ANKS1B: variants seen among roughly 807,000 people sequenced by gnomAD.
ANKS1B encodes ankyrin repeat and sterile alpha motif domain containing 1B, also known as ankyrin repeat and sterile alpha motif domain-containing protein 1B.
ANKS1B carries 36 observed loss-of-function variants against 148.3 expected under a neutral mutation model. The ratio of observed to expected loss-of-function variants is 0.24; its 90% confidence interval spans 0.19 to 0.32. ANKS1B has a LOEUF of 0.32. Ranked by LOEUF, ANKS1B falls within the 10% of genes least tolerant of loss-of-function variation. The probability of loss-of-function intolerance (pLI) is 1.00; values close to 1 mark genes in which losing one functional copy is unlikely to be tolerated. For missense variants in ANKS1B, 1,157 were observed against 1,542.6 expected (o/e 0.75, Z 4.19); for synonymous variants, 542 against 560.8 (o/e 0.97, Z 0.47).
intron 11 of ANKS1B, among the ~76,000 whole-genome samples, chr12:99,420,314 C>T (rs2152709110): frequency 6.6e-6 from 1 of 152,202 alleles, no homozygotes; most frequent in East Asian, 1.9e-4. Context: ...AAAGCATTTA[C>T]CACGAGGGTT....
At chr12:99,601,220 C>T (rs1285627112) in intron 9 of ANKS1B, among the ~76,000 whole-genome samples, 1 of 151,994 alleles carries the variant, frequency 6.6e-6, no homozygotes, top group Non-Finnish European at 1.5e-5. Context: ...ACAAAGACTC[C>T]AAAATATACA....
At chr12:99,509,144 C>T (rs1040649467) in intron 9 of ANKS1B, among the ~76,000 whole-genome samples, 11 of 151,756 alleles carry the variant, frequency 7.2e-5, no homozygotes, top group East Asian at 1.9e-4. Flanking sequence ...ACTGCTCCAC[C>T]GACCAGCCAT....
chr12:99,357,314 T>C (rs914210598), intron 12 of ANKS1B, among the ~76,000 whole-genome samples: 2 of 152,162 alleles, frequency 1.3e-5, no homozygotes, highest in African/African-American at 2.4e-5. Context: ...CTTTTTTCTA[T>C]TGTTAGGCAA....
intron 9 of ANKS1B, among the ~76,000 whole-genome samples, chr12:99,602,578 G>T (rs2097811888): frequency 6.6e-6 from 1 of 152,012 alleles, no homozygotes; most frequent in Non-Finnish European, 1.5e-5. Flanking sequence ...GCTTTTTCTT[G>T]CTTTTAGTTT....
chr12:98,841,929 G>A (rs578049072), intron 17 of ANKS1B, among the ~76,000 whole-genome samples: 5 of 151,802 alleles, frequency 3.3e-5, no homozygotes, highest in South Asian at 4.2e-4. Flanking sequence ...ACCCTACCTC[G>A]GATGATAAGG....
intron 9 of ANKS1B, among the ~76,000 whole-genome samples, chr12:99,523,949 T>TTTTC (rs2096901705): frequency 6.6e-6 from 1 of 152,212 alleles, no homozygotes; most frequent in East Asian, 1.9e-4. Context: ...AGTTTTGTAT[T>TTTTC]AGTACTATGG....
intron 8 of ANKS1B, among the ~76,000 whole-genome samples, chr12:99,735,807 C>CAAA (rs376398944): frequency 0.024 from 2,615 of 108,862 alleles, 103 homozygotes; most frequent in African/African-American, 0.087. Flanking sequence ...GGACATATAC[C>CAAA]AAAAAAAAAA....
intron 8 of ANKS1B, among the ~76,000 whole-genome samples, chr12:99,712,174 A>T (rs1156563155): frequency 2.0e-5 from 3 of 152,156 alleles, no homozygotes; most frequent in Non-Finnish European, 4.4e-5. Flanking sequence ...GAGGGGAACA[A>T]CATATTATTT....
At chr12:98,915,616 G>A (rs141653756) in intron 17 of ANKS1B, among the ~76,000 whole-genome samples, 1 of 152,142 alleles carries the variant, frequency 6.6e-6, no homozygotes, top group Non-Finnish European at 1.5e-5. Flanking sequence ...GCCTCTCATA[G>A]TGCTGGGATT....
At chr12:99,080,738 T>C (rs1410901279) in intron 16 of ANKS1B, among the ~76,000 whole-genome samples, 1 of 152,192 alleles carries the variant, frequency 6.6e-6, no homozygotes, top group Admixed American at 6.5e-5. Context: ...ATACAATTCT[T>C]TTCTGGAAAA....
intron 17 of ANKS1B, among the ~76,000 whole-genome samples, chr12:98,912,212 T>C (rs1032803773): frequency 2.6e-5 from 4 of 152,188 alleles, no homozygotes; most frequent in Non-Finnish European, 5.9e-5. Context: ...GGGTCACTGG[T>C]AAATGGTAGA....
intron 9 of ANKS1B, among the ~76,000 whole-genome samples, chr12:99,507,059 G>A (rs1477508932): frequency 6.6e-6 from 1 of 151,860 alleles, no homozygotes; most frequent in Non-Finnish European, 1.5e-5. Flanking sequence ...AGTCTCTAGT[G>A]TCCTTTAAAC....
intron 16 of ANKS1B, among the ~76,000 whole-genome samples, chr12:99,063,167 C>A (rs749629751): frequency 6.6e-6 from 1 of 152,152 alleles, no homozygotes; most frequent in Non-Finnish European, 1.5e-5. Context: ...TGCCGTGGAC[C>A]GTGGCTTCTC....
intron 9 of ANKS1B, among the ~76,000 whole-genome samples, chr12:99,644,141 A>G (rs1023106470): frequency 7.9e-5 from 12 of 152,192 alleles, no homozygotes; most frequent in Admixed American, 3.9e-4. Flanking sequence ...AAAATATCCA[A>G]GTTCATCACC....
intron 1 of ANKS1B, among the ~76,000 whole-genome samples, chr12:99,949,471 C>A (rs904356335): frequency 2.0e-5 from 3 of 152,088 alleles, no homozygotes; most frequent in African/African-American, 7.2e-5. Flanking sequence ...GATGCACATT[C>A]TGGAAGTCAA....
chr12:99,251,788 T>C (rs1267942237), intron 12 of ANKS1B, among the ~76,000 whole-genome samples: 2 of 152,200 alleles, frequency 1.3e-5, no homozygotes, highest in African/African-American at 4.8e-5. Flanking sequence ...ATTGGGTCAT[T>C]GCATCTGATT....
chr12:99,526,687 T>C, intron 9 of ANKS1B, among the ~76,000 whole-genome samples: 1 of 152,144 alleles, frequency 6.6e-6, no homozygotes, highest in East Asian at 1.9e-4. Context: ...GAGGTACCAA[T>C]TTAACATTTG....
At chr12:99,147,283 G>A (rs642292) in intron 15 of ANKS1B, among the ~76,000 whole-genome samples, 38,543 of 152,030 alleles carry the variant, frequency 0.25, 5,042 homozygotes, top group African/African-American at 0.29. Context: ...AGGATAAAAA[G>A]GAGTTAAGAG....
chr12:99,902,077 A>T (rs542751274), intron 1 of ANKS1B, among the ~76,000 whole-genome samples: 1 of 152,362 alleles, frequency 6.6e-6, no homozygotes, highest in Non-Finnish European at 1.5e-5. Context: ...AGAGAGGTGC[A>T]GATTATAAGC....
Sources: allele counts gnomAD v4.1 joint callset (sites outside exome capture counted in the v4.1 genomes callset), GRCh38; gene constraint gnomAD v4.1.1; transcripts MANE v1.5; gene names NCBI Gene and HGNC (gene_info 2026-07-23, HGNC 2026-07-21).